Variants in NCAM1 observed in about 807,000 individuals in gnomAD.
NCAM1 encodes neural cell adhesion molecule 1, also known as antigen recognized by monoclonal antibody 5.1H11.
Under a neutral mutation model 109.8 loss-of-function variants are expected in NCAM1, and 14 were observed. The observed-to-expected ratio is 0.13, with a 90% CI of 0.08 to 0.20. NCAM1 has a LOEUF of 0.20. Ranked by LOEUF, NCAM1 falls within the 10% of genes least tolerant of loss-of-function variation. The pLI, the probability that NCAM1 is intolerant of heterozygous loss-of-function variation, is 1.00. For synonymous variants in NCAM1, 418 were observed against 442.9 expected, an observed-to-expected ratio of 0.94 and a Z score of 0.70; for missense variants, 774 against 1,109.9, an observed-to-expected ratio of 0.70 and a Z score of 4.30.
chr11:113,042,966 C>A (rs1953130540), intron 1 of NCAM1, among the ~76,000 whole-genome samples: 1 of 152,262 alleles, frequency 6.6e-6, no homozygotes, highest in Non-Finnish European at 1.5e-5. Flanking sequence ...TTTCCTCCTT[C>A]TCTTCTTCCT....
At chr11:113,096,336 G>C (rs1055465343) in intron 1 of NCAM1, among the ~76,000 whole-genome samples, 1 of 152,186 alleles carries the variant, frequency 6.6e-6, no homozygotes, top group Non-Finnish European at 1.5e-5. Flanking sequence ...AATGACAAGG[G>C]AGCCTGAGGA....
Position 113,265,259 on chromosome 11 carries a change from C to G in NCAM1, c.2132-4929C>G, listed in dbSNP as rs575948448. 6.7e-5 allele frequency: 45 copies of G among 671,258 alleles called. No individual in the cohort carries two copies. In the African/African-American group the frequency reaches 7.5e-4, roughly 11 times the overall value. The allele number at this position is 671,258 out of a possible 1,614,324, so 41.6% of individuals were successfully genotyped here. On this transcript the variant is annotated intron_variant, in intron 17 of 19. Coordinates refer to ENST00000316851, the MANE Select transcript of NCAM1 (RefSeq NM_181351.5). Reference sequence around the variant, plus strand: ...TCTGACAAAGCAGCAAAGACCCTTTCCCTCCGCCTCTCATGTACCTGGATA... The same window carrying G: ...TCTGACAAAGCAGCAAAGACCCTTTGCCTCCGCCTCTCATGTACCTGGATA...
chr11:113,195,182 A>C (rs187306239), intron 1 of NCAM1, among the ~76,000 whole-genome samples: 61 of 152,338 alleles, frequency 4.0e-4, no homozygotes, highest in African/African-American at 1.4e-3. Flanking sequence ...AAAGTTAAAC[A>C]GTCTACCTTA....
Position 113,272,005 on chromosome 11 carries a change from C to A in NCAM1, c.2456+129C>A, listed in dbSNP as rs1209412641. The stretch of plus-strand genomic sequence containing the variant: ...AACAGTTCAGGCCAGGATTCCAAAC[C>A]CTTGGCCACAAGACCTGCTTGGCTG... On this transcript the variant is annotated intron_variant, in intron 19 of 19. Coordinates refer to ENST00000316851, the MANE Select transcript of NCAM1 (RefSeq NM_181351.5). The A allele has an allele frequency of 7.9e-6, 5 of 631,698 alleles. No individual in the cohort carries two copies. In the East Asian group the frequency reaches 1.5e-4, roughly 19 times the overall value. 39.1% of individuals were successfully genotyped at this position (631,698 alleles called of 1,614,324 possible). A position where few individuals can be genotyped will look rare whatever the true frequency, so the allele number is the denominator to read the frequency against.
At chr11:113,009,752 T>G (rs1951997486) in intron 1 of NCAM1, among the ~76,000 whole-genome samples, 1 of 152,198 alleles carries the variant, frequency 6.6e-6, no homozygotes, top group Admixed American at 6.5e-5. Flanking sequence ...ACAGATGTTT[T>G]GGGATTGTAG....
intron 18 of NCAM1, 168 bp downstream of exon 18, chr11:113,270,563 G>C: frequency 1.6e-6 from 1 of 637,650 alleles, no homozygotes; most frequent in Non-Finnish European, 2.7e-6. Flanking sequence ...CTCAAAGCAT[G>C]GTCTTTGGGG....
intron 1 of NCAM1, among the ~76,000 whole-genome samples, chr11:113,087,298 C>T (rs1375171095): frequency 6.6e-6 from 1 of 152,224 alleles, no homozygotes; most frequent in African/African-American, 2.4e-5. Flanking sequence ...ATTTCCCTGT[C>T]TTCCCATCTT....
chr11:113,109,697 C>T (rs1940354144), intron 1 of NCAM1, among the ~76,000 whole-genome samples: 1 of 152,196 alleles, frequency 6.6e-6, no homozygotes, highest in Non-Finnish European at 1.5e-5. Flanking sequence ...GAGAAAATTA[C>T]TGTTTCTAGT....
intron 1 of NCAM1, among the ~76,000 whole-genome samples, chr11:113,008,002 T>A (rs556443024): frequency 1.3e-5 from 2 of 152,330 alleles, no homozygotes; most frequent in African/African-American, 2.4e-5. Flanking sequence ...AATAAAAAAA[T>A]TTGAAGTAAT....
At chr11:113,253,241 T>C (rs1296548935) in intron 15 of NCAM1, among the ~76,000 whole-genome samples, 1 of 152,144 alleles carries the variant, frequency 6.6e-6, no homozygotes, top group Non-Finnish European at 1.5e-5. Flanking sequence ...GGGTCTCTTT[T>C]CAAAGACAAA....
intron 1 of NCAM1, among the ~76,000 whole-genome samples, chr11:113,145,778 C>A (rs1163380947): frequency 2.0e-5 from 3 of 151,918 alleles, no homozygotes; most frequent in Non-Finnish European, 4.4e-5. Context: ...CCTCCACCCC[C>A]TGAGAAACAG....
At chr11:113,031,461 G>T (rs1591265113) in intron 1 of NCAM1, among the ~76,000 whole-genome samples, 1 of 152,288 alleles carries the variant, frequency 6.6e-6, no homozygotes, top group African/African-American at 2.4e-5. Flanking sequence ...GGAGGCCGAG[G>T]CGGGCAGATC....
intron 1 of NCAM1, among the ~76,000 whole-genome samples, chr11:113,081,450 C>T (rs1555087160): frequency 6.6e-6 from 1 of 152,226 alleles, no homozygotes. Flanking sequence ...CAGAAAGGCA[C>T]TCGCCAAAGG....
At chr11:113,249,550 A>G (rs898546586) in intron 15 of NCAM1, among the ~76,000 whole-genome samples, 2 of 152,050 alleles carry the variant, frequency 1.3e-5, no homozygotes, top group Admixed American at 1.3e-4. Flanking sequence ...AACCAATCTA[A>G]TGTCCATGAA....
intron 9 of NCAM1, among the ~76,000 whole-genome samples, chr11:113,228,999 A>T (rs1380444818): frequency 6.6e-6 from 1 of 152,226 alleles, no homozygotes; most frequent in Non-Finnish European, 1.5e-5. Context: ...AACCTAGGCA[A>T]TACCATTCAG....
At chr11:113,256,875 G>T (rs1555122431) in intron 16 of NCAM1, among the ~76,000 whole-genome samples, 1 of 152,212 alleles carries the variant, frequency 6.6e-6, no homozygotes, top group Admixed American at 6.5e-5. Context: ...AGAAAAGAAT[G>T]AACCAGGGAG....
chr11:112,965,012 G>A (rs941144402), intron 1 of NCAM1, among the ~76,000 whole-genome samples: 7 of 151,834 alleles, frequency 4.6e-5, no homozygotes, highest in African/African-American at 1.5e-4. Flanking sequence ...CTTTATGAAC[G>A]CCCTCTTTCT....
chr11:113,256,167 C>G (rs1193668038), intron 16 of NCAM1, among the ~76,000 whole-genome samples, 166 bp downstream of exon 16: 1 of 152,104 alleles, frequency 6.6e-6, no homozygotes, highest in Non-Finnish European at 1.5e-5. Flanking sequence ...CCCAAGACAG[C>G]CCTACAGCTA....
At chr11:113,179,564 G>A (rs540187404) in intron 1 of NCAM1, among the ~76,000 whole-genome samples, 3 of 152,350 alleles carry the variant, frequency 2.0e-5, no homozygotes, top group East Asian at 1.9e-4. Context: ...AGGCAGGTAT[G>A]TGATTAAGCC....
Sources: allele counts gnomAD v4.1 joint callset (sites outside exome capture counted in the v4.1 genomes callset), GRCh38; gene constraint gnomAD v4.1.1; transcripts MANE v1.5; gene names NCBI Gene and HGNC (gene_info 2026-07-23, HGNC 2026-07-21).